Variants in MIER1 observed in about 807,000 individuals in gnomAD.
The protein encoded by MIER1 is MIER1 transcriptional regulator, also known as mesoderm induction early response protein 1.
Under a neutral mutation model 75.7 loss-of-function variants are expected in MIER1, and 40 were observed. That is an observed-to-expected ratio of 0.53 (90% CI 0.41 to 0.69). MIER1 has a LOEUF of 0.69. MIER1 is among the 30% of genes least tolerant of loss of function. The pLI is 0.00. For missense variants in MIER1, 574 were observed against 680.2 expected, an observed-to-expected ratio of 0.84 and a Z score of 1.74; for synonymous variants, 213 against 223.4, an observed-to-expected ratio of 0.95 and a Z score of 0.42.
intron 4 of MIER1, among the ~76,000 whole-genome samples, chr1:66,956,964 GACTT>G (rs935650145): frequency 2.6e-5 from 4 of 152,144 alleles, no homozygotes; most frequent in South Asian, 2.1e-4. Context: ...ACATGAGCTA[GACTT>G]ACTTCTTTCC....
chr1:66,930,159 G>T, intron 2 of MIER1: 2 of 1,236,888 alleles, frequency 1.6e-6, no homozygotes, highest in Non-Finnish European at 2.0e-6. Context: ...CTGCTCCGGC[G>T]CGTGCTCGCT....
intron 7 of MIER1, among the ~76,000 whole-genome samples, chr1:66,960,768 G>C (rs1661098076): frequency 6.6e-6 from 1 of 152,198 alleles, no homozygotes; most frequent in Non-Finnish European, 1.5e-5. Context: ...GGACTCGACA[G>C]AAAACAAGAA....
intron 12 of MIER1, 34 bp downstream of exon 12, chr1:66,976,756 C>T (rs1043684812): frequency 5.4e-6 from 8 of 1,488,602 alleles, no homozygotes; most frequent in African/African-American, 1.4e-5. Context: ...GCTATATATA[C>T]ATTTTTGCTA....
Position 66,958,920 on chromosome 1 carries a change from T to G in MIER1, c.571T>G (p.Ser191Ala). 6.2e-7 allele frequency: 1 copy of G among 1,612,648 alleles called. No homozygotes were observed. Among genetic ancestry groups the G allele is most frequent in the Non-Finnish European group, 8.5e-7 (1 of 1,178,900 alleles). The change falls in exon 6 of 14, where the codon TCT (serine) becomes GCT (alanine). Residue 191 changes from serine (S) to alanine (A), a missense_variant. Physicochemically the swap from Ser to Ala is moderately conservative, Grantham distance 99. Around this residue, in one of 3 missense-constraint regions of MIER1, gnomAD observed 309 missense variants for 352.8 expected, o/e 0.88. Coordinates refer to ENST00000401041, the MANE Select transcript of MIER1 (RefSeq NM_001077700.3). ...TQSSNDDPSQ[S>A]VASQDAQEII... ...GTCTTCCAATGATGATCCATCACAA[T>G]CTGTTGCTTCTCAAGATGCCCAGGA...
intron 4 of MIER1, chr1:66,947,112 A>G (rs966668295): frequency 3.9e-6 from 2 of 507,922 alleles, no homozygotes; most frequent in African/African-American, 2.1e-5. Context: ...CTCCCCCGGC[A>G]TACTGAATCA....
chr1:66,983,238 T>TA (rs1373945573), intron 13 of MIER1, among the ~76,000 whole-genome samples: 1 of 152,262 alleles, frequency 6.6e-6, no homozygotes, highest in African/African-American at 2.4e-5. Context: ...TTTGAAATCT[T>TA]ACAGTTATTT....
intron 4 of MIER1, among the ~76,000 whole-genome samples, chr1:66,952,989 G>A (rs1427042788): frequency 6.6e-6 from 1 of 152,120 alleles, no homozygotes; most frequent in Admixed American, 6.5e-5. Flanking sequence ...CTGTCAGTTT[G>A]TAGGTCTCCC....
intron 8 of MIER1, among the ~76,000 whole-genome samples, chr1:66,965,038 C>A (rs886889992): frequency 6.6e-6 from 1 of 152,150 alleles, no homozygotes; most frequent in Non-Finnish European, 1.5e-5. Context: ...TGTTTTAATA[C>A]ATCATTTAAA....
Position 66,985,186 on chromosome 1 carries a change from T to A in MIER1, c.*286T>A. The A allele has an allele frequency of 5.2e-6, 5 of 967,752 alleles. No homozygotes were observed. The highest frequency in any genetic ancestry group is 6.2e-6 in the Non-Finnish European group (5 of 803,390). 59.9% of individuals were successfully genotyped at this position (967,752 alleles called of 1,614,324 possible). A position where few individuals can be genotyped will look rare whatever the true frequency, so the allele number is the denominator to read the frequency against. On this transcript the variant is annotated 3_prime_UTR_variant, in exon 14 of 14. Coordinates refer to ENST00000401041, the MANE Select transcript of MIER1 (RefSeq NM_001077700.3). Reference sequence around the variant, plus strand: ...TCTTTAGTTCATTCAGATTTACTAATTTTGGTAAATCTGAATGAACTAAAG... The same window carrying A: ...TCTTTAGTTCATTCAGATTTACTAAATTTGGTAAATCTGAATGAACTAAAG...
chr1:66,957,607 T>C (rs1043759135), intron 4 of MIER1, among the ~76,000 whole-genome samples: 6 of 110,262 alleles, frequency 5.4e-5, no homozygotes, highest in Non-Finnish European at 9.4e-5. Flanking sequence ...TTTTTTTTTT[T>C]CATGTGTTCG....
intron 3 of MIER1, among the ~76,000 whole-genome samples, chr1:66,941,983 A>AC (rs1656341254): frequency 6.6e-6 from 1 of 151,790 alleles, no homozygotes; most frequent in African/African-American, 2.4e-5. Context: ...AAAAAAAAAA[A>AC]AAAACAGTCT....
intron 2 of MIER1, among the ~76,000 whole-genome samples, chr1:66,939,101 A>G (rs369856668): frequency 5.7e-4 from 86 of 152,204 alleles, no homozygotes; most frequent in African/African-American, 1.9e-3. Context: ...GCCTCCCACC[A>G]TCTGTATTTT....
chr1:66,933,754 A>G (rs72926031), intron 2 of MIER1, among the ~76,000 whole-genome samples: 4,155 of 152,308 alleles, frequency 0.027, 179 homozygotes, highest in African/African-American at 0.094. Flanking sequence ...GAGAGTCCTA[A>G]AAATCTTAAT....
rs1002195721 is a variant in MIER1 at position 66,988,332 on chromosome 1, C to A, written c.*3432C>A. On this transcript the variant is annotated 3_prime_UTR_variant, in exon 14 of 14. Coordinates refer to ENST00000401041, the MANE Select transcript of MIER1 (RefSeq NM_001077700.3). ...ACTTTTTACCGTAAAAATTAACTCTCTTCTTTAATATCAAGTTCATCCTTT... is the reference window on the plus strand; with the variant it reads ...ACTTTTTACCGTAAAAATTAACTCTATTCTTTAATATCAAGTTCATCCTTT... The A allele has an allele frequency of 6.6e-6, 1 of 152,306 alleles. No homozygotes were observed. The highest frequency in any genetic ancestry group is 1.5e-5 in the Non-Finnish European group (1 of 68,026). 9.4% of individuals were successfully genotyped at this position (152,306 alleles called of 1,614,324 possible). A position where few individuals can be genotyped will look rare whatever the true frequency, so the allele number is the denominator to read the frequency against.
intron 2 of MIER1, among the ~76,000 whole-genome samples, chr1:66,927,189 A>G (rs1302628817): frequency 1.3e-5 from 2 of 152,174 alleles, no homozygotes; most frequent in Non-Finnish European, 2.9e-5. Context: ...ATGATTTATC[A>G]ATATAATAGC....
At chr1:66,939,136 C>T (rs777107019) in intron 2 of MIER1, among the ~76,000 whole-genome samples, 18 of 152,080 alleles carry the variant, frequency 1.2e-4, no homozygotes, top group Non-Finnish European at 2.1e-4. Context: ...ATAGATACTT[C>T]TGAATGAATT....
At chr1:66,980,974 C>A (rs1030639994) in intron 12 of MIER1, among the ~76,000 whole-genome samples, 13 of 152,078 alleles carry the variant, frequency 8.5e-5, no homozygotes, top group Non-Finnish European at 1.9e-4. Context: ...TTACAAAAAA[C>A]AGATGGCCAG....
At chr1:66,982,654 T>C (rs567473176) in intron 13 of MIER1, among the ~76,000 whole-genome samples, 15 of 152,190 alleles carry the variant, frequency 9.9e-5, no homozygotes, top group Admixed American at 2.6e-4. Context: ...GATAGGAGAG[T>C]ACCAGTGAAG....
intron 2 of MIER1, among the ~76,000 whole-genome samples, chr1:66,939,063 C>T (rs952054777): frequency 1.3e-5 from 2 of 152,104 alleles, no homozygotes; most frequent in African/African-American, 2.4e-5. Flanking sequence ...ACTGCAAGAT[C>T]CCTATCTTTC....
Sources: allele counts gnomAD v4.1 joint callset (sites outside exome capture counted in the v4.1 genomes callset), GRCh38; gene constraint gnomAD v4.1.1; regional missense constraint gnomAD v4.1.1; transcripts MANE v1.5; gene names NCBI Gene and HGNC (gene_info 2026-07-23, HGNC 2026-07-21).